PLCB4: variants seen among roughly 807,000 people sequenced by gnomAD.
PLCB4 encodes 1-phosphatidylinositol 4,5-bisphosphate phosphodiesterase beta-4.
PLCB4 carries 77 observed loss-of-function variants against 178.8 expected under a neutral mutation model. The observed-to-expected ratio is 0.43, with a 90% CI of 0.36 to 0.52. The LOEUF is 0.52. Among genes scored for constraint, PLCB4 ranks in the 20% least tolerant of loss-of-function variants. The probability of loss-of-function intolerance (pLI) is 0.00; values close to 1 mark genes in which losing one functional copy is unlikely to be tolerated. For synonymous variants in PLCB4, 496 were observed against 490.8 expected, an observed-to-expected ratio of 1.01 and a Z score of -0.14; for missense variants, 1,024 against 1,453.4, an observed-to-expected ratio of 0.70 and a Z score of 4.80.
At chr20:9,395,468 G>A (rs2038500127) in intron 18 of PLCB4, 55 bp from the exon 19 acceptor site, 1 of 1,196,478 alleles carries the variant, frequency 8.4e-7, no homozygotes, top group East Asian at 2.3e-5. Context: ...CAAGGCCTAG[G>A]GTTTGTATGT....
intron 2 of PLCB4, among the ~76,000 whole-genome samples, chr20:9,106,469 C>A (rs2091367968): frequency 6.6e-6 from 1 of 151,334 alleles, no homozygotes; most frequent in Admixed American, 6.6e-5. Context: ...TTGTAACATA[C>A]AGTAAAAATA....
intron 7 of PLCB4, among the ~76,000 whole-genome samples, chr20:9,342,586 T>C (rs1371764222): frequency 2.0e-5 from 3 of 152,124 alleles, no homozygotes; most frequent in African/African-American, 7.2e-5. Flanking sequence ...TATTGTTGAC[T>C]AATCTTTTAA....
intron 2 of PLCB4, among the ~76,000 whole-genome samples, chr20:9,145,075 G>T (rs2092573443): frequency 1.3e-5 from 2 of 152,064 alleles, no homozygotes; most frequent in South Asian, 4.1e-4. Flanking sequence ...ACTCATTTCT[G>T]TCCTCATTAA....
At chr20:9,165,759 G>A (rs753351344) in intron 2 of PLCB4, among the ~76,000 whole-genome samples, 3 of 150,814 alleles carry the variant, frequency 2.0e-5, no homozygotes, top group Admixed American at 1.3e-4. Flanking sequence ...TTATTGTAAC[G>A]CTGTCACCGA....
chr20:9,321,143 G>T (rs540445478), intron 4 of PLCB4, among the ~76,000 whole-genome samples: 1 of 152,332 alleles, frequency 6.6e-6, no homozygotes, highest in South Asian at 2.1e-4. Context: ...ACAGTGCAAA[G>T]TACTTGACAT....
chr20:9,168,897 G>A (rs550272839), intron 2 of PLCB4, among the ~76,000 whole-genome samples: 12 of 129,298 alleles, frequency 9.3e-5, no homozygotes, highest in Non-Finnish European at 1.9e-4. Context: ...GTCATCCTTG[G>A]CAGCCCCAAC....
chr20:9,144,439 A>C (rs901513270), intron 2 of PLCB4, among the ~76,000 whole-genome samples: 9 of 151,976 alleles, frequency 5.9e-5, no homozygotes, highest in Admixed American at 5.9e-4. Context: ...AGGTTAAAAC[A>C]ATCCATAGAA....
intron 3 of PLCB4, among the ~76,000 whole-genome samples, chr20:9,234,654 C>T (rs764573429): frequency 4.0e-5 from 6 of 151,798 alleles, no homozygotes; most frequent in Non-Finnish European, 5.9e-5. Flanking sequence ...AGGACCTTGA[C>T]GAGAGGAAAG....
At chr20:9,391,404 G>A (rs1298926072) in intron 17 of PLCB4, among the ~76,000 whole-genome samples, 1 of 152,160 alleles carries the variant, frequency 6.6e-6, no homozygotes, top group Non-Finnish European at 1.5e-5. Flanking sequence ...AAAGTGGAAA[G>A]ACCTGCTATT....
chr20:9,103,454 C>T (rs760080970), intron 2 of PLCB4, among the ~76,000 whole-genome samples: 6 of 152,094 alleles, frequency 3.9e-5, no homozygotes, highest in Non-Finnish European at 5.9e-5. Context: ...AATATTTTTG[C>T]AAATCTCTTA....
Position 9,128,128 on chromosome 20 carries a change from C to T in PLCB4, c.-79+31786C>T, listed in dbSNP as rs148128447. Reference sequence around the variant, plus strand: ...TCCCTCATGAATGGCTTAGCGCTATCCTCTTGGATGAGGGGTTCTTTCTCT... The same window carrying T: ...TCCCTCATGAATGGCTTAGCGCTATTCTCTTGGATGAGGGGTTCTTTCTCT... On this transcript the variant is annotated intron_variant, in intron 2 of 39. Coordinates refer to ENST00000378473, the MANE Select transcript of PLCB4 (RefSeq NM_001377142.1). Among the ~76,000 whole-genome samples, 156 of 152,194 alleles carry T rather than the reference C, an allele frequency of 1.0e-3. 1 individual carries two copies. The East Asian group carries it at 0.023, about 23-fold the overall frequency.
chr20:9,398,305 T>A (rs2038761012), intron 19 of PLCB4, among the ~76,000 whole-genome samples: 1 of 152,222 alleles, frequency 6.6e-6, no homozygotes, highest in Non-Finnish European at 1.5e-5. Context: ...GGGCAGATGA[T>A]ACGGCAGCTG....
chr20:9,335,392 A>AT (rs2032312218), intron 4 of PLCB4, among the ~76,000 whole-genome samples: 1 of 152,144 alleles, frequency 6.6e-6, no homozygotes, highest in Non-Finnish European at 1.5e-5. Flanking sequence ...ATGTGAGGTC[A>AT]ATAGCTGCTC....
At chr20:9,179,115 G>A (rs1555859948) in intron 2 of PLCB4, among the ~76,000 whole-genome samples, 2 of 152,090 alleles carry the variant, frequency 1.3e-5, no homozygotes, top group Non-Finnish European at 2.9e-5. Flanking sequence ...ATTTTTTGAG[G>A]ACCACAATTA....
intron 34 of PLCB4, 117 bp from the exon 35 acceptor site, chr20:9,459,518 A>G (rs1044908289): frequency 1.6e-5 from 10 of 613,066 alleles, no homozygotes; most frequent in Admixed American, 5.8e-5. Context: ...TAGGTGTCTC[A>G]TGATTCACCA....
chr20:9,136,058 G>T (rs1338224050), intron 2 of PLCB4, among the ~76,000 whole-genome samples: 1 of 152,132 alleles, frequency 6.6e-6, no homozygotes, highest in African/African-American at 2.4e-5. Context: ...TGACCCCAAG[G>T]TCGGTACATT....
chr20:9,277,422 G>A lies in PLCB4; in HGVS notation c.-15-30378G>A, dbSNP rs558533814. On this transcript the variant is annotated intron_variant, in intron 3 of 39. Coordinates refer to ENST00000378473, the MANE Select transcript of PLCB4 (RefSeq NM_001377142.1). ...TTCCCTGAGAACATAAGATTACTGA[G>A]TTCTTAGAGCCTCAGCTCATGCAGC... Among the ~76,000 whole-genome samples the A allele has an allele frequency of 3.3e-5, 5 of 152,096 alleles. No individual in the cohort carries two copies. The East Asian group carries it at 9.7e-4, about 30-fold the overall frequency.
At chr20:9,246,384 T>C (rs535772232) in intron 3 of PLCB4, among the ~76,000 whole-genome samples, 3 of 152,308 alleles carry the variant, frequency 2.0e-5, no homozygotes, top group Non-Finnish European at 4.4e-5. Context: ...GCCCTGTGAA[T>C]GGTCTCACTC....
chr20:9,129,522 C>G (rs2092220055), intron 2 of PLCB4, among the ~76,000 whole-genome samples: 1 of 152,126 alleles, frequency 6.6e-6, no homozygotes, highest in Admixed American at 6.6e-5. Context: ...TTCTTGTTCT[C>G]AAATACTGAC....
Sources: gnomAD v4.1 joint callset for allele counts (sites outside exome capture counted in the v4.1 genomes callset) on GRCh38, gnomAD v4.1.1 for gene constraint, MANE v1.5 for transcripts, NCBI Gene and HGNC (gene_info 2026-07-23, HGNC 2026-07-21) for gene names.